WWP2: variants seen among roughly 807,000 people sequenced by gnomAD.
WWP2 encodes the protein WW domain containing E3 ubiquitin protein ligase 2, also known as NEDD4-like E3 ubiquitin-protein ligase WWP2.
WWP2 carries 57 observed loss-of-function variants against 121.0 expected under a neutral mutation model. The observed-to-expected ratio is 0.47, with a 90% CI of 0.38 to 0.59. The LOEUF (loss-of-function observed/expected upper bound fraction) is 0.59. Among genes scored for constraint, WWP2 ranks in the 20% least tolerant of loss-of-function variants. The pLI, the probability that WWP2 is intolerant of heterozygous loss-of-function variation, is 0.00. For missense variants in WWP2, 962 were observed against 1,158.9 expected, an observed-to-expected ratio of 0.83 and a Z score of 2.47; for synonymous variants, 449 against 441.3, an observed-to-expected ratio of 1.02 and a Z score of -0.22.
intron 2 of WWP2, among the ~76,000 whole-genome samples, chr16:69,793,399 G>A (rs1022506859): frequency 6.6e-6 from 1 of 152,094 alleles, no homozygotes; most frequent in African/African-American, 2.4e-5. Context: ...CTGTAGCATT[G>A]CATTAGAGAA....
chr16:69,774,445 C>G (rs753199202), intron 1 of WWP2, among the ~76,000 whole-genome samples: 1 of 152,044 alleles, frequency 6.6e-6, no homozygotes, highest in African/African-American at 2.4e-5. Flanking sequence ...TTTGTTGAGA[C>G]GAGGTTTTGC....
rs186840054 is a variant in WWP2 at position 69,937,047 on chromosome 16, C to G, written c.2118-71C>G. On this transcript the variant is annotated intron_variant, in intron 19 of 23. Transcript: ENST00000359154. This position sits in a 1 kb window ranked among gnomAD's most constrained non-coding sequence, Gnocchi z 6.6. ...TGGTGGTCCTGCGCGGTAACGGCCA[C>G]GCGGCCTGGCCGGGAGCCACCCCTG... 5 of 1,567,066 alleles carry G rather than the reference C, an allele frequency of 3.2e-6. No homozygotes were observed. The highest frequency in any genetic ancestry group is 3.5e-6 in the Non-Finnish European group (4 of 1,154,070).
intron 2 of WWP2, among the ~76,000 whole-genome samples, chr16:69,797,232 T>C (rs977215450): frequency 1.3e-5 from 2 of 152,206 alleles, no homozygotes; most frequent in Non-Finnish European, 2.9e-5. Context: ...TGTTGCCACA[T>C]GAAGGCTATG....
At chr16:69,777,780 T>C (rs1436127995) in intron 1 of WWP2, among the ~76,000 whole-genome samples, 1 of 151,140 alleles carries the variant, frequency 6.6e-6, no homozygotes, top group Admixed American at 6.6e-5. Flanking sequence ...TATTTATATT[T>C]TTGAGACCAA....
rs575724694 is a variant in WWP2 at position 69,766,250 on chromosome 16, C to T, written c.-16+3859C>T. On this transcript the variant is annotated intron_variant, in intron 1 of 23. Transcript: ENST00000359154. Reference sequence around the variant, plus strand: ...CTCACACCCCACATCCAACTCAGCTCGTCCACAAAGCCTACTGGCTGTACT... The same window carrying T: ...CTCACACCCCACATCCAACTCAGCTTGTCCACAAAGCCTACTGGCTGTACT... 8.5e-5 allele frequency among the ~76,000 whole-genome samples: 13 copies of T among 152,294 alleles called. 1 individual carries two copies. Among genetic ancestry groups the T allele is most frequent in the African/African-American group, 2.6e-4 (11 of 41,568 alleles).
Position 69,928,872 on chromosome 16 carries a change from C to T in WWP2, c.1235-576C>T, listed in dbSNP as rs542620136. Among the ~76,000 whole-genome samples the T allele has an allele frequency of 1.5e-4, 23 of 152,280 alleles. No homozygotes were observed. The South Asian group carries it at 4.8e-3, about 32-fold the overall frequency. On this transcript the variant is annotated intron_variant, in intron 11 of 23. Transcript: ENST00000359154. ...GTGCCAGGGTATGAGAGTTTTAGAA[C>T]AAGACTTAGCCTGTAAGTGGGAGAA... is the stretch of plus-strand genomic sequence containing the variant.
intron 1 of WWP2, among the ~76,000 whole-genome samples, chr16:69,783,668 A>G (rs2055713134): frequency 6.6e-6 from 1 of 152,020 alleles, no homozygotes; most frequent in African/African-American, 2.4e-5. Context: ...AATTTTGGCC[A>G]GGCTTGGTGG....
intron 5 of WWP2, 138 bp downstream of exon 5, chr16:69,840,401 C>G (rs2056956290): frequency 1.9e-6 from 2 of 1,064,950 alleles, no homozygotes; most frequent in Non-Finnish European, 2.7e-6. Context: ...CTAGCCCGGA[C>G]TCTTCTTAGC....
intron 8 of WWP2, among the ~76,000 whole-genome samples, chr16:69,905,776 T>C (rs1225403023): frequency 6.6e-6 from 1 of 152,236 alleles, no homozygotes; most frequent in African/African-American, 2.4e-5. Context: ...AGAGTCCTTA[T>C]AAATTTCAGT....
chr16:69,906,530 A>G (rs1341008621), intron 8 of WWP2, among the ~76,000 whole-genome samples: 1 of 152,212 alleles, frequency 6.6e-6, no homozygotes, highest in Non-Finnish European at 1.5e-5. Context: ...TTTTCTTCAT[A>G]TACAGTTAGC....
intron 1 of WWP2, among the ~76,000 whole-genome samples, chr16:69,781,047 G>A (rs4497676): frequency 0.29 from 44,269 of 151,540 alleles, 7,387 homozygotes; most frequent in African/African-American, 0.44. Flanking sequence ...GGTTGGTCCT[G>A]TGGTAGTGGG....
At chr16:69,857,029 T>TTA (rs2057327900) in intron 6 of WWP2, among the ~76,000 whole-genome samples, 1 of 152,210 alleles carries the variant, frequency 6.6e-6, no homozygotes. Flanking sequence ...CTTGATATCT[T>TTA]TAGAGTTGTT....
At chr16:69,814,638 A>G (rs1005443255) in intron 4 of WWP2, among the ~76,000 whole-genome samples, 2 of 152,246 alleles carry the variant, frequency 1.3e-5, no homozygotes, top group African/African-American at 4.8e-5. Flanking sequence ...AAGAAAAAGA[A>G]AACAACCTCC....
Position 69,915,106 on chromosome 16 carries a change from G to A in WWP2, c.1005-2603G>A, listed in dbSNP as rs1322994983. 2.0e-5 allele frequency among the ~76,000 whole-genome samples: 3 copies of A among 152,212 alleles called. No individual in the cohort carries two copies. In the East Asian group the frequency reaches 5.8e-4, roughly 29 times the overall value. ...TGAGGGAGAGATGTGGCCGAGAGAG[G>A]AAGGCCACTGCCAGGCCACCTGTCC... On this transcript the variant is annotated intron_variant, in intron 9 of 23. Transcript: ENST00000359154.
At chr16:69,876,098 T>C (rs987587948) in intron 7 of WWP2, among the ~76,000 whole-genome samples, 5 of 152,050 alleles carry the variant, frequency 3.3e-5, no homozygotes, top group African/African-American at 4.8e-5. Context: ...GCTGGGATTA[T>C]AGGCATGCAC....
At chr16:69,804,746 A>G (rs936061915) in intron 4 of WWP2, among the ~76,000 whole-genome samples, 24 of 152,228 alleles carry the variant, frequency 1.6e-4, no homozygotes, top group African/African-American at 5.1e-4. Flanking sequence ...TTGAGATTTT[A>G]TGGAGTCCTG....
intron 6 of WWP2, among the ~76,000 whole-genome samples, chr16:69,856,280 T>C (rs2057310722): frequency 6.6e-6 from 1 of 152,022 alleles, no homozygotes; most frequent in South Asian, 2.1e-4. Flanking sequence ...AGAAATCCAA[T>C]CTGAAGATGT....
chr16:69,851,417 G>A (rs533318506), intron 6 of WWP2, among the ~76,000 whole-genome samples: 5 of 152,150 alleles, frequency 3.3e-5, no homozygotes, highest in Admixed American at 1.3e-4. Flanking sequence ...CCAGAATGTC[G>A]TATAGCTGGA....
At chr16:69,811,525 C>T (rs1435688874) in intron 4 of WWP2, among the ~76,000 whole-genome samples, 2 of 151,594 alleles carry the variant, frequency 1.3e-5, no homozygotes, top group South Asian at 2.1e-4. Flanking sequence ...AGGTGGGAGG[C>T]CCTCTTGAGC....
Sources: allele counts gnomAD v4.1 joint callset (sites outside exome capture counted in the v4.1 genomes callset), GRCh38; gene constraint gnomAD v4.1.1; non-coding constraint Gnocchi (gnomAD v3.1); transcripts MANE v1.5; gene names NCBI Gene and HGNC (gene_info 2026-07-23, HGNC 2026-07-21).